The following URI1 variants were observed in gnomAD, a reference collection of about 807,000 sequenced individuals.
The protein encoded by URI1 is unconventional prefoldin RPB5 interactor 1.
In URI1, 39 loss-of-function variants were observed where a neutral mutation model predicts 60.2. That is an observed-to-expected ratio of 0.65 (90% confidence interval 0.50 to 0.85). The LOEUF (loss-of-function observed/expected upper bound fraction) is 0.85, where lower values mean the gene tolerates loss of function less well. URI1 is among the 40% of genes least tolerant of loss of function. The probability of loss-of-function intolerance (pLI) is 0.00; values close to 1 mark genes in which losing one functional copy is unlikely to be tolerated. For missense variants in URI1, 691 were observed against 665.9 expected (o/e 1.04, Z -0.42); for synonymous variants, 251 against 236.8 (o/e 1.06, Z -0.55).
chr19:29,940,325 C>T (rs1461850993), upstream of URI1, among the ~76,000 whole-genome samples: 10 of 151,932 alleles, frequency 6.6e-5, no homozygotes, highest in African/African-American at 2.4e-4. Flanking sequence ...TAGACTGATT[C>T]CTTATGGGAG....
chr19:29,946,026 T>C (rs2055098833), intron 1 of URI1, among the ~76,000 whole-genome samples: 1 of 151,552 alleles, frequency 6.6e-6, no homozygotes, highest in Non-Finnish European at 1.5e-5. Flanking sequence ...AGAGCTGATA[T>C]ATATAATTTA....
intron 3 of URI1, among the ~76,000 whole-genome samples, chr19:29,985,778 TTC>T (rs1203720712): frequency 6.6e-6 from 1 of 152,226 alleles, no homozygotes; most frequent in Non-Finnish European, 1.5e-5. Context: ...TGCATGAATG[TTC>T]TTTCTTATGA....
chr19:29,938,654 A>C (rs2054994393), upstream of URI1, among the ~76,000 whole-genome samples: 1 of 152,124 alleles, frequency 6.6e-6, no homozygotes, highest in African/African-American at 2.4e-5. Flanking sequence ...AATAAGTAAT[A>C]AAGTAATAAG....
chr19:30,002,212 T>A (rs2055887305), intron 4 of URI1, among the ~76,000 whole-genome samples: 1 of 152,056 alleles, frequency 6.6e-6, no homozygotes, highest in Admixed American at 6.6e-5. Flanking sequence ...ATAATTTTTA[T>A]TACATCTGCA....
At chr19:29,988,629 G>A (rs759900056) in intron 4 of URI1, among the ~76,000 whole-genome samples, 8 of 152,196 alleles carry the variant, frequency 5.3e-5, no homozygotes, top group Non-Finnish European at 1.2e-4. Context: ...TTGCTGAGGA[G>A]TGTTCCGTTA....
intron 1 of URI1, among the ~76,000 whole-genome samples, chr19:29,948,832 C>T (rs895760266): frequency 6.6e-6 from 1 of 152,198 alleles, no homozygotes; most frequent in Non-Finnish European, 1.5e-5. Flanking sequence ...TCATCATGGC[C>T]TGTTCTCAGT....
chr19:29,944,140 CATATAT>C (rs56329506), intron 1 of URI1, among the ~76,000 whole-genome samples: 575 of 36,868 alleles, frequency 0.016, 6 homozygotes, highest in Non-Finnish European at 0.034. Flanking sequence ...CCCTGTCATT[CATATAT>C]ATATATATAT....
upstream of URI1, among the ~76,000 whole-genome samples, chr19:29,939,720 T>C (rs1018493483): frequency 1.3e-5 from 2 of 152,144 alleles, no homozygotes; most frequent in African/African-American, 4.8e-5. Flanking sequence ...GCCTGAGTAA[T>C]GGCAAGGAGG....
intron 3 of URI1, among the ~76,000 whole-genome samples, chr19:29,985,603 G>A (rs1020071818): frequency 2.6e-5 from 4 of 152,012 alleles, no homozygotes; most frequent in African/African-American, 4.8e-5. Flanking sequence ...GTACTAAGTC[G>A]TTTCTTGTTA....
In URI1 at chr19:30,005,654, G is replaced by T; in HGVS notation, c.463G>T (p.Ala155Ser). The change falls in exon 6 of 11, where the codon GCA becomes TCA. Residue 155 changes from alanine to serine, a missense_variant. By Grantham distance (99) the Ala-to-Ser change is moderately conservative (BLOSUM62 1). Transcript: ENST00000392271. ...TEDLQKMSDA[A>S]GDIVDIREEI... ...TTTTTTTTTGTTTAAAAACCAGGCT[G>T]CAGGTGATATTGTTGACATACGAGA... 6.2e-7 allele frequency: 1 copy of T among 1,610,364 alleles called. No homozygotes were observed. Among genetic ancestry groups the T allele is most frequent in the Non-Finnish European group, 8.5e-7 (1 of 1,178,628 alleles).
At chr19:30,004,797 C>A (rs995162740) in intron 4 of URI1, among the ~76,000 whole-genome samples, 1 of 151,886 alleles carries the variant, frequency 6.6e-6, no homozygotes, top group Non-Finnish European at 1.5e-5. Flanking sequence ...TAAAATTTTT[C>A]CTCAAATAGG....
chr19:29,961,397 G>A (rs1298805346), intron 1 of URI1, among the ~76,000 whole-genome samples: 1 of 151,814 alleles, frequency 6.6e-6, no homozygotes, highest in Non-Finnish European at 1.5e-5. Context: ...CCTTTAAGTG[G>A]AATCATAGAG....
intron 4 of URI1, among the ~76,000 whole-genome samples, chr19:29,988,889 C>T (rs986485140): frequency 2.6e-5 from 4 of 152,174 alleles, no homozygotes; most frequent in Admixed American, 6.5e-5. Context: ...GTATGATTTA[C>T]ATCTCTTTCA....
intron 2 of URI1, among the ~76,000 whole-genome samples, chr19:29,983,042 A>C (rs2055618199): frequency 1.3e-5 from 2 of 152,206 alleles, no homozygotes. Flanking sequence ...TTGTGCATGA[A>C]GTTTTTTTGC....
At chr19:29,963,668 TTTAAAGA>T (rs1246716856) in intron 1 of URI1, among the ~76,000 whole-genome samples, 2 of 152,212 alleles carry the variant, frequency 1.3e-5, no homozygotes, top group Non-Finnish European at 2.9e-5. Context: ...GGATTGTGTC[TTTAAAGA>T]TTGTAGATAT....
rs2055961333 is a variant in URI1 at position 30,007,614 on chromosome 19, A to G, written c.662A>G (p.Glu221Gly). 6.2e-7 allele frequency: 1 copy of G among 1,609,174 alleles called. No homozygotes were observed. Among genetic ancestry groups the G allele is most frequent in the Non-Finnish European group, 8.5e-7 (1 of 1,177,706 alleles). The change falls in exon 7 of 11, where the codon GAA becomes GGA. Residue 221 changes from glutamate (E) to glycine (G), a missense_variant. Transcript: ENST00000392271. ...CGACTTGAAGAACTAGAGAGACAGGAAGAATTGCTGGGTGAACTTGATAGG... is the reference window on the plus strand; with the variant it reads ...CGACTTGAAGAACTAGAGAGACAGGGAGAATTGCTGGGTGAACTTGATAGG... ...WARLEELERQ[E>G]ELLGELDSKP...
At chr19:29,968,021 G>T (rs2055410810) in intron 1 of URI1, among the ~76,000 whole-genome samples, 1 of 152,086 alleles carries the variant, frequency 6.6e-6, no homozygotes, top group Non-Finnish European at 1.5e-5. Flanking sequence ...GTAGCCACTG[G>T]GTTGTTGGTA....
Position 29,975,469 on chromosome 19 carries a change from A to C in URI1, c.152+4242A>C, listed in dbSNP as rs56901829. ...TGTAAATGATGTATAGGTTCCTCCT[A>C]ACTTTGTCCCCTAATTCTCAGTTCT... is the stretch of plus-strand genomic sequence containing the variant. On this transcript the variant is annotated intron_variant, in intron 2 of 10. Coordinates refer to ENST00000392271, the MANE Select transcript of URI1 (RefSeq NM_003796.3). 9.2e-3 allele frequency among the ~76,000 whole-genome samples: 1,394 copies of C among 151,198 alleles called. 26 individuals are homozygous for C. The highest frequency in any genetic ancestry group is 0.031 in the African/African-American group (1,263 of 41,196).
intron 1 of URI1, among the ~76,000 whole-genome samples, chr19:29,924,306 C>T (rs540226531): frequency 3.3e-5 from 5 of 152,192 alleles, no homozygotes; most frequent in Non-Finnish European, 5.9e-5. Context: ...CATCACACCA[C>T]ACTTTCACAA....
Sources: gnomAD v4.1 joint callset for allele counts (sites outside exome capture counted in the v4.1 genomes callset) on GRCh38, gnomAD v4.1.1 for gene constraint, MANE v1.5 for transcripts, NCBI Gene and HGNC (gene_info 2026-07-23, HGNC 2026-07-21) for gene names.